The following MBD5 variants were observed in gnomAD, a reference collection of about 807,000 sequenced individuals.
The protein encoded by MBD5 is methyl-CpG binding domain protein 5.
A neutral mutation model predicts 117.3 loss-of-function variants in MBD5; 13 were observed. The observed-to-expected ratio is 0.11, with a 90% confidence interval of 0.07 to 0.18. The LOEUF (loss-of-function observed/expected upper bound fraction) is 0.18. Among genes scored for constraint, MBD5 ranks in the 10% least tolerant of loss-of-function variants. The probability of loss-of-function intolerance (pLI) is 1.00; values close to 1 mark genes in which losing one functional copy is unlikely to be tolerated. For synonymous variants in MBD5, 727 were observed against 766.4 expected, an observed-to-expected ratio of 0.95 and a Z score of 0.85; for missense variants, 1,879 against 2,093.8, an observed-to-expected ratio of 0.90 and a Z score of 2.00.
chr2:148,147,596 C>T (rs1697500880), intron 1 of MBD5, among the ~76,000 whole-genome samples: 1 of 151,794 alleles, frequency 6.6e-6, no homozygotes, highest in Non-Finnish European at 1.5e-5. Flanking sequence ...TAGATGACCC[C>T]CTCCCCTCAG....
intron 2 of MBD5, among the ~76,000 whole-genome samples, chr2:148,220,811 A>G (rs964711929): frequency 6.6e-6 from 1 of 151,984 alleles, no homozygotes; most frequent in African/African-American, 2.4e-5. Flanking sequence ...ACTTATTTTA[A>G]ATATACAATT....
chr2:148,256,966 C>A lies in MBD5; in HGVS notation c.-680+23571C>A, dbSNP rs73011296. ...GCCATCCCAGTTCAGGGGGTCGTTA[C>A]CCATGAATGCACCCATCCTGCTATA... is the stretch of plus-strand genomic sequence containing the variant. On this transcript the variant is annotated intron_variant, in intron 3 of 13. Transcript: ENST00000642680. Among the ~76,000 whole-genome samples, 568 of 152,332 alleles carry A rather than the reference C, an allele frequency of 3.7e-3. 3 individuals are homozygous for A. The highest frequency in any genetic ancestry group is 0.013 in the African/African-American group (528 of 41,580).
intron 12 of MBD5, 148 bp from the exon 13 acceptor site, chr2:148,509,912 G>A (rs186793560): frequency 1.6e-4 from 108 of 680,566 alleles, no homozygotes; most frequent in Admixed American, 4.3e-4. Flanking sequence ...GAATCCCAGA[G>A]TGATGTTTTG....
chr2:148,044,273 T>C (rs898460588), intron 1 of MBD5: 3 of 152,224 alleles, frequency 2.0e-5, no homozygotes, highest in Admixed American at 6.5e-5. Context: ...AATTGAACTT[T>C]AGTCTAGTAG....
chr2:148,502,822 T>C (rs2105228015), intron 12 of MBD5: 1 of 454,308 alleles, frequency 2.2e-6, no homozygotes, highest in South Asian at 2.3e-5. Context: ...AGCAATTAAA[T>C]AGGCTCTGGA....
intron 1 of MBD5, among the ~76,000 whole-genome samples, chr2:148,097,626 A>T (rs1696102550): frequency 6.6e-6 from 1 of 152,236 alleles, no homozygotes; most frequent in South Asian, 2.1e-4. Context: ...TTGAAGGGCC[A>T]GTCTTGTAAG....
rs113744089 is a variant in MBD5, at chr2:148,239,041, T to A, written c.-680+5646T>A. The stretch of plus-strand genomic sequence containing the variant: ...ATATACACACACACACGTGTGTGTG[T>A]ATGAGTGTGTATATATGTGTGTGTA... On this transcript the variant is annotated intron_variant, in intron 3 of 13. Coordinates refer to ENST00000642680, the MANE Select transcript of MBD5 (RefSeq NM_001378120.1). 3.7e-3 allele frequency among the ~76,000 whole-genome samples: 566 copies of A among 151,556 alleles called. 3 individuals are homozygous for A. Among genetic ancestry groups the A allele is most frequent in the African/African-American group, 0.013 (525 of 41,362 alleles).
chr2:148,341,428 C>T (rs1469211739), intron 3 of MBD5, among the ~76,000 whole-genome samples: 5 of 151,622 alleles, frequency 3.3e-5, no homozygotes, highest in African/African-American at 1.2e-4. Context: ...ACAGTGTTCT[C>T]ATCTACAAAA....
At chr2:148,083,120 A>C (rs1227868839) in intron 1 of MBD5, among the ~76,000 whole-genome samples, 1 of 152,202 alleles carries the variant, frequency 6.6e-6, no homozygotes, top group African/African-American at 2.4e-5. Flanking sequence ...TAGTAAAAGG[A>C]TTCAAAAGCT....
intron 4 of MBD5, among the ~76,000 whole-genome samples, chr2:148,431,454 C>T (rs1705981077): frequency 6.6e-6 from 1 of 151,942 alleles, no homozygotes; most frequent in East Asian, 1.9e-4. Flanking sequence ...AACTGCATGT[C>T]ACAGGGGTTT....
intron 1 of MBD5, among the ~76,000 whole-genome samples, chr2:148,082,430 T>G (rs988058739): frequency 6.6e-6 from 1 of 152,228 alleles, no homozygotes; most frequent in Admixed American, 6.5e-5. Context: ...TACCAGCATC[T>G]CAGTCTGGAT....
intron 1 of MBD5, among the ~76,000 whole-genome samples, chr2:148,119,452 A>G (rs1013682819): frequency 7.9e-5 from 12 of 152,112 alleles, no homozygotes; most frequent in African/African-American, 2.2e-4. Flanking sequence ...CTCTTATCCT[A>G]TGGGTTTTCA....
chr2:148,451,956 C>A (rs1174590365), intron 4 of MBD5, among the ~76,000 whole-genome samples: 1 of 152,194 alleles, frequency 6.6e-6, no homozygotes, highest in African/African-American at 2.4e-5. Context: ...TTGATTCTGT[C>A]CCACTGTGTC....
chr2:148,263,548 CT>C (rs1357580879), intron 3 of MBD5, among the ~76,000 whole-genome samples: 2 of 152,006 alleles, frequency 1.3e-5, no homozygotes, highest in Non-Finnish European at 2.9e-5. Context: ...GCTAGAATCA[CT>C]TAGATTAGGA....
At chr2:148,298,800 G>T (rs115615999) in intron 3 of MBD5, among the ~76,000 whole-genome samples, 1,707 of 152,290 alleles carry the variant, frequency 0.011, 12 homozygotes, top group Non-Finnish European at 0.017. Context: ...TATCAATATT[G>T]TATGTATAGA....
chr2:148,258,945 C>T (rs1356074577), intron 3 of MBD5, among the ~76,000 whole-genome samples: 1 of 152,180 alleles, frequency 6.6e-6, no homozygotes, highest in Non-Finnish European at 1.5e-5. Context: ...TGTCACCCTA[C>T]ATACAGGGTG....
chr2:148,185,464 A>C (rs1450447509), intron 2 of MBD5, among the ~76,000 whole-genome samples: 3 of 152,240 alleles, frequency 2.0e-5, no homozygotes, highest in Non-Finnish European at 4.4e-5. Context: ...CATTTCTAGA[A>C]ATTTCTCCAA....
chr2:148,320,360 G>T (rs1702255470), intron 3 of MBD5, among the ~76,000 whole-genome samples: 1 of 151,932 alleles, frequency 6.6e-6, no homozygotes, highest in Non-Finnish European at 1.5e-5. Context: ...GCTTTTTGTT[G>T]TGGTTTGGTT....
At chr2:148,180,530 GTGTT>G (rs1001279709) in intron 2 of MBD5, among the ~76,000 whole-genome samples, 2 of 151,356 alleles carry the variant, frequency 1.3e-5, no homozygotes, top group Non-Finnish European at 1.5e-5. Flanking sequence ...TTGTTGTCGT[GTGTT>G]TGTTTGTTTG....
Sources: gnomAD v4.1 joint callset for allele counts (sites outside exome capture counted in the v4.1 genomes callset) on GRCh38, gnomAD v4.1.1 for gene constraint, MANE v1.5 for transcripts, NCBI Gene and HGNC (gene_info 2026-07-23, HGNC 2026-07-21) for gene names.